TTC19: variants seen among roughly 807,000 people sequenced by gnomAD.
TTC19 encodes tetratricopeptide repeat protein 19, mitochondrial.
TTC19 carries 38 observed loss-of-function variants against 49.5 expected under a neutral mutation model. The ratio of observed to expected loss-of-function variants is 0.77; its 90% CI spans 0.59 to 1.01. The LOEUF (loss-of-function observed/expected upper bound fraction) is 1.01. Ranked by LOEUF, TTC19 falls within the 50% of genes least tolerant of loss-of-function variation. The probability of loss-of-function intolerance (pLI) is 0.00; values close to 1 mark genes in which losing one functional copy is unlikely to be tolerated. For synonymous variants in TTC19, 204 were observed against 185.2 expected, an observed-to-expected ratio of 1.10 and a Z score of -0.83; for missense variants, 475 against 477.7, an observed-to-expected ratio of 0.99 and a Z score of 0.05.
At position 16,027,448 on chromosome 17, in the gene TTC19, G is replaced by C. The variant is rs537026350; in HGVS notation, c.1069G>C (p.Val357Leu). The C allele has an allele frequency of 1.2e-6, 2 of 1,614,098 alleles. No individual in the cohort carries two copies. The highest frequency in any genetic ancestry group is 8.5e-7 in the Non-Finnish European group (1 of 1,179,946). Reference protein sequence around the residue: ...QAKLKKDEISVQHIREELAEL... With the variant: ...QAKLKKDEISLQHIREELAEL... ...AAAGCTGAAAAAAGATGAAATTTCT[G>C]TACAACACATCAGGGAAGAGTTGGC... The change falls in exon 10 of 10, where the codon GTA (valine) becomes CTA (leucine). Residue 357 changes from valine (V) to leucine (L), a missense_variant. Transcript: ENST00000261647.
At chr17:16,040,112 A>G (rs1192658565) in intron 2 of TTC19, 6 of 499,136 alleles carry the variant, frequency 1.2e-5, no homozygotes, top group East Asian at 5.4e-5. Flanking sequence ...TAATCCACAG[A>G]TAACTCCTTA....
intron 2 of TTC19, chr17:16,039,747 G>T: frequency 8.8e-7 from 1 of 1,136,216 alleles, no homozygotes; most frequent in Non-Finnish European, 1.3e-6. Flanking sequence ...AATACACACA[G>T]CACTTGGCAA....
intron 2 of TTC19, chr17:16,039,813 G>C: frequency 6.1e-6 from 4 of 656,374 alleles, no homozygotes; most frequent in Non-Finnish European, 7.7e-6. Flanking sequence ...TTTGGAGACA[G>C]AGTCTCTCTC....
Position 16,027,601 on chromosome 17 carries a change from A to G in TTC19, c.*79A>G, listed in dbSNP as rs1339211875. 1 of 1,530,884 alleles carries G rather than the reference A, an allele frequency of 6.5e-7. No homozygotes were observed. The highest frequency in any genetic ancestry group is 1.7e-5 in the Admixed American group (1 of 59,308). The allele number at this position is 1,530,884 out of a possible 1,614,324, so 94.8% of individuals were successfully genotyped here. ...ATTCCTGTCTCTGTGGCACCCGATC[A>G]ATGGCTTAAATCTGTCGTTTTTGAT... On this transcript the variant is annotated 3_prime_UTR_variant, in exon 10 of 10. Transcript: ENST00000261647.
chr17:16,026,241 T>C (rs1228213211), intron 8 of TTC19, among the ~76,000 whole-genome samples: 1 of 152,240 alleles, frequency 6.6e-6, no homozygotes, highest in Non-Finnish European at 1.5e-5. Context: ...GTGTAGCTTC[T>C]TGCTGTTGTT....
chr17:16,001,902 C>T lies in TTC19; in HGVS notation c.313-13C>T. ...TATGTTTCATTTTCTATTATTTTGT[C>T]TTCCCTTTTCAGTTGAGCATTATGA... On this transcript the variant is annotated splice_polypyrimidine_tract_variant and intron_variant, in intron 2 of 9. Transcript: ENST00000261647. The T allele has an allele frequency of 6.3e-7, 1 of 1,584,298 alleles. No homozygotes were observed. The highest frequency in any genetic ancestry group is 8.7e-7 in the Non-Finnish European group (1 of 1,154,194).
intron 9 of TTC19, 113 bp from the exon 10 acceptor site, chr17:16,027,261 C>G (rs1456535540): frequency 1.2e-5 from 16 of 1,287,156 alleles, no homozygotes; most frequent in Non-Finnish European, 1.7e-5. Flanking sequence ...CAGCTTGTCG[C>G]TTCATAAGCA....
At chr17:16,005,592 G>A (rs1970880322) in intron 6 of TTC19, among the ~76,000 whole-genome samples, 1 of 152,180 alleles carries the variant, frequency 6.6e-6, no homozygotes, top group Non-Finnish European at 1.5e-5. Flanking sequence ...CAGTCAGTCG[G>A]CCTGCTTGGG....
Position 16,028,671 on chromosome 17 carries a change from G to T in TTC19, c.*1149G>T, listed in dbSNP as rs1280978886. ...TTTCTAGGTACCATGAAGGAAGATTGACCCTGTTGGTATGCCTGTGGGGGT... is the reference window on the plus strand; with the variant it reads ...TTTCTAGGTACCATGAAGGAAGATTTACCCTGTTGGTATGCCTGTGGGGGT... On this transcript the variant is annotated 3_prime_UTR_variant, in exon 10 of 10. Coordinates refer to ENST00000261647, the MANE Select transcript of TTC19 (RefSeq NM_017775.4). 2 of 453,654 alleles carry T rather than the reference G, an allele frequency of 4.4e-6. No individual in the cohort carries two copies. The highest frequency in any genetic ancestry group is 4.7e-5 in the Admixed American group (2 of 42,518). 28.1% of individuals were successfully genotyped at this position (453,654 alleles called of 1,614,324 possible). A position where few individuals can be genotyped will look rare whatever the true frequency, so the allele number is the denominator to read the frequency against.
chr17:16,012,519 G>A (rs1449206787), intron 7 of TTC19, among the ~76,000 whole-genome samples: 1 of 152,052 alleles, frequency 6.6e-6, no homozygotes, highest in African/African-American at 2.4e-5. Context: ...ATAGACAAGT[G>A]ATCCAGCATT....
intron 7 of TTC19, among the ~76,000 whole-genome samples, chr17:16,011,956 T>C (rs928353701): frequency 5.3e-5 from 8 of 152,224 alleles, no homozygotes; most frequent in African/African-American, 1.7e-4. Context: ...TTATAATCTT[T>C]GTTAGCTTGA....
intron 2 of TTC19, among the ~76,000 whole-genome samples, chr17:16,001,215 A>G (rs1474115107): frequency 6.6e-6 from 1 of 152,036 alleles, no homozygotes; most frequent in Non-Finnish European, 1.5e-5. Context: ...TACCCACTGC[A>G]TTTATGATAA....
chr17:16,016,930 G>A (rs1238148463), intron 7 of TTC19, among the ~76,000 whole-genome samples: 1 of 152,060 alleles, frequency 6.6e-6, no homozygotes, highest in Non-Finnish European at 1.5e-5. Context: ...CTGACCTCAG[G>A]TGATCCACCT....
At chr17:16,032,927 T>C (rs551476550), downstream of TTC19, among the ~76,000 whole-genome samples, 2 of 152,302 alleles carry the variant, frequency 1.3e-5, no homozygotes, top group Admixed American at 6.5e-5. Flanking sequence ...AGTCATCTGC[T>C]GAATCTCACT....
intron 2 of TTC19, chr17:16,040,493 T>C (rs2057355370): frequency 1.9e-6 from 3 of 1,613,340 alleles, no homozygotes; most frequent in Non-Finnish European, 2.5e-6. Context: ...GCTGAGCAGC[T>C]GCTATATTTA....
chr17:16,000,288 C>G (rs758853), intron 2 of TTC19, 43 bp downstream of exon 2: 7 of 1,588,980 alleles, frequency 4.4e-6, no homozygotes, highest in Admixed American at 1.7e-5. Flanking sequence ...GCGCGGTAGC[C>G]TTTGTGAGCG....
intron 2 of TTC19, among the ~76,000 whole-genome samples, chr17:16,037,630 A>G (rs1215963852): frequency 6.6e-6 from 1 of 152,204 alleles, no homozygotes; most frequent in African/African-American, 2.4e-5. Flanking sequence ...ATACTTCACT[A>G]ATGACCAACC....
intron 7 of TTC19, among the ~76,000 whole-genome samples, chr17:16,009,360 C>G (rs1006524881): frequency 5.3e-5 from 8 of 152,196 alleles, no homozygotes; most frequent in African/African-American, 1.9e-4. Context: ...CATCTGTAAT[C>G]ATACTATTAA....
chr17:16,002,801 C>G lies in TTC19; in HGVS notation c.432C>G (p.Asn144Lys). 1 of 1,613,984 alleles carries G rather than the reference C, an allele frequency of 6.2e-7. No homozygotes were observed. The highest frequency in any genetic ancestry group is 1.7e-5 in the Admixed American group (1 of 60,026). ...AITYTYDLMANLAFIRGQLEN... is the reference protein window; with the variant it reads ...AITYTYDLMAKLAFIRGQLEN... The stretch of plus-strand genomic sequence containing the variant: ...TTGTAATTTGCTTTCAGATGGCCAA[C>G]TTAGCATTTATACGGGGTCAGCTTG... The change falls in exon 4 of 10, where the codon AAC becomes AAG. Residue 144 changes from asparagine (N) to lysine (K), a missense_variant. By Grantham distance (94) the Asn-to-Lys change is moderately conservative. Transcript: ENST00000261647.
Sources: allele counts gnomAD v4.1 joint callset (sites outside exome capture counted in the v4.1 genomes callset), GRCh38; gene constraint gnomAD v4.1.1; transcripts MANE v1.5; gene names NCBI Gene and HGNC (gene_info 2026-07-23, HGNC 2026-07-21).